GRIA1: variants seen among roughly 807,000 people sequenced by gnomAD.
The protein encoded by GRIA1 is glutamate ionotropic receptor AMPA type subunit 1.
GRIA1 carries 31 observed loss-of-function variants against 99.2 expected under a neutral mutation model. The ratio of observed to expected loss-of-function variants is 0.31; its 90% CI spans 0.23 to 0.42. The LOEUF (loss-of-function observed/expected upper bound fraction) is 0.42, where lower values mean the gene tolerates loss of function less well. GRIA1 is among the 10% of genes least tolerant of loss of function. GRIA1 has a pLI of 1.00. For missense variants in GRIA1, 782 were observed against 1,157.5 expected, an observed-to-expected ratio of 0.68 and a Z score of 4.71; for synonymous variants, 438 against 432.4, an observed-to-expected ratio of 1.01 and a Z score of -0.16.
At chr5:153,685,192 T>C (rs1050891325) in intron 7 of GRIA1, among the ~76,000 whole-genome samples, 4 of 152,224 alleles carry the variant, frequency 2.6e-5, no homozygotes, top group African/African-American at 7.2e-5. Flanking sequence ...GCAAGAGGGA[T>C]CTGAGGACAC....
At chr5:153,496,649 G>A (rs1314003974) in intron 2 of GRIA1, among the ~76,000 whole-genome samples, 3 of 152,150 alleles carry the variant, frequency 2.0e-5, no homozygotes, top group Non-Finnish European at 2.9e-5. Flanking sequence ...GTTCACTGTG[G>A]TCCATTGGTT....
chr5:153,516,806 A>C (rs2113347012), intron 2 of GRIA1, among the ~76,000 whole-genome samples: 1 of 152,310 alleles, frequency 6.6e-6, no homozygotes, highest in Non-Finnish European at 1.5e-5. Context: ...CTGGTGCCTC[A>C]GCGTTCCCAT....
At chr5:153,729,985 C>T (rs1760890517) in intron 11 of GRIA1, among the ~76,000 whole-genome samples, 2 of 152,030 alleles carry the variant, frequency 1.3e-5, no homozygotes, top group South Asian at 2.1e-4. Context: ...TAAAAAAATG[C>T]CCATTAAATA....
At chr5:153,650,972 G>A (rs1754532164) in intron 4 of GRIA1, among the ~76,000 whole-genome samples, 1 of 151,260 alleles carries the variant, frequency 6.6e-6, no homozygotes, top group South Asian at 2.1e-4. Context: ...TCAGGAGGGT[G>A]AGACAGTGAG....
At chr5:153,679,792 G>T (rs1374309628) in intron 7 of GRIA1, among the ~76,000 whole-genome samples, 1 of 152,206 alleles carries the variant, frequency 6.6e-6, no homozygotes, top group Non-Finnish European at 1.5e-5. Flanking sequence ...AGAACCTGTG[G>T]TTTAGCTTGT....
intron 2 of GRIA1, among the ~76,000 whole-genome samples, chr5:153,576,107 C>G (rs571268435): frequency 6.6e-6 from 1 of 152,296 alleles, no homozygotes; most frequent in East Asian, 1.9e-4. Context: ...CACCATCTAA[C>G]TTCTGTGAGC....
intron 13 of GRIA1, among the ~76,000 whole-genome samples, chr5:153,772,565 A>G (rs1469417924): frequency 6.6e-6 from 1 of 152,238 alleles, no homozygotes; most frequent in Non-Finnish European, 1.5e-5. Context: ...CGGAAAATTG[A>G]GAGAATAAAG....
chr5:153,604,234 T>G (rs528034994), intron 2 of GRIA1, among the ~76,000 whole-genome samples: 62 of 152,242 alleles, frequency 4.1e-4, no homozygotes, highest in Middle Eastern at 3.4e-3. Context: ...GGGTGACCCC[T>G]AACTTTGCCA....
At chr5:153,800,494 A>T (rs775936295) in intron 14 of GRIA1, among the ~76,000 whole-genome samples, 3 of 152,250 alleles carry the variant, frequency 2.0e-5, no homozygotes, top group Admixed American at 6.5e-5. Context: ...AGGCCATTAT[A>T]GAAGAGCAGG....
intron 2 of GRIA1, among the ~76,000 whole-genome samples, chr5:153,576,023 A>G (rs2149368316): frequency 6.6e-6 from 1 of 152,286 alleles, no homozygotes; most frequent in Non-Finnish European, 1.5e-5. Context: ...TAGTTATGCT[A>G]CCCTAAGAAC....
At chr5:153,738,495 T>C (rs973961210) in intron 11 of GRIA1, among the ~76,000 whole-genome samples, 6 of 152,144 alleles carry the variant, frequency 3.9e-5, no homozygotes, top group Non-Finnish European at 5.9e-5. Flanking sequence ...ATAAACATCT[T>C]GTAGAATTCC....
At chr5:153,745,589 C>CAAAAAAAAAAAAAAAAAAAAA (rs58166158) in intron 11 of GRIA1, among the ~76,000 whole-genome samples, 2 of 100,904 alleles carry the variant, frequency 2.0e-5, no homozygotes, top group Non-Finnish European at 4.0e-5. Context: ...AACTCTGTCT[C>CAAAAAAAAAAAAAAAAAAAAA]AAAAAAAAAA....
At chr5:153,568,957 A>G (rs1761886708) in intron 2 of GRIA1, among the ~76,000 whole-genome samples, 1 of 152,008 alleles carries the variant, frequency 6.6e-6, no homozygotes, top group East Asian at 1.9e-4. Context: ...CATCCTTTCT[A>G]CTGCCTTCAA....
intron 13 of GRIA1, among the ~76,000 whole-genome samples, chr5:153,778,471 A>G (rs543478138): frequency 1.3e-5 from 2 of 152,186 alleles, no homozygotes; most frequent in South Asian, 2.1e-4. Flanking sequence ...GCATTATCCT[A>G]TTTAATCCTA....
chr5:153,551,294 T>A (rs566848116), intron 2 of GRIA1, among the ~76,000 whole-genome samples: 1 of 152,316 alleles, frequency 6.6e-6, no homozygotes, highest in East Asian at 1.9e-4. Flanking sequence ...ATACATTTAT[T>A]TGAATGTTGT....
At position 153,516,899 on chromosome 5, in the gene GRIA1, T is replaced by C. The variant is rs531328948; in HGVS notation, c.220+22834T>C. Among the ~76,000 whole-genome samples the C allele has an allele frequency of 7.2e-5, 11 of 152,072 alleles. No individual in the cohort carries two copies. In the South Asian group the frequency reaches 2.3e-3, roughly 32 times the overall value. On this transcript the variant is annotated intron_variant, in intron 2 of 15. Transcript: ENST00000285900. The stretch of plus-strand genomic sequence containing the variant: ...AGCTTGATCTAGAGCTGAAGAAAAA[T>C]ATTCTACTGATGGCAACATTCATGG...
Position 153,621,907 on chromosome 5 carries a change from A to C in GRIA1, c.221-25021A>C, listed in dbSNP as rs540881693. On this transcript the variant is annotated intron_variant, in intron 2 of 15. Coordinates refer to ENST00000285900, the MANE Select transcript of GRIA1 (RefSeq NM_000827.4). ...GTCCTACAGCTGATATTTATGCATAAATTTTCTTGACTTTAATGAGAATTG... is the reference window on the plus strand; with the variant it reads ...GTCCTACAGCTGATATTTATGCATACATTTTCTTGACTTTAATGAGAATTG... 5.3e-5 allele frequency among the ~76,000 whole-genome samples: 8 copies of C among 152,224 alleles called. No individual in the cohort carries two copies. In the East Asian group the frequency reaches 1.4e-3, roughly 26 times the overall value.
chr5:153,787,030 C>A (rs770873343), intron 13 of GRIA1, among the ~76,000 whole-genome samples: 3 of 152,214 alleles, frequency 2.0e-5, no homozygotes, highest in Non-Finnish European at 4.4e-5. Context: ...GAAGTGTAGA[C>A]AATTGCTACA....
chr5:153,589,206 A>T (rs1763751691), intron 2 of GRIA1, among the ~76,000 whole-genome samples: 1 of 152,186 alleles, frequency 6.6e-6, no homozygotes, highest in African/African-American at 2.4e-5. Context: ...GCCTGGAGGA[A>T]GGATGGTATA....
Sources: allele counts gnomAD v4.1 joint callset (sites outside exome capture counted in the v4.1 genomes callset), GRCh38; gene constraint gnomAD v4.1.1; transcripts MANE v1.5; gene names NCBI Gene and HGNC (gene_info 2026-07-23, HGNC 2026-07-21).